KCNV2: variants seen among roughly 807,000 people sequenced by gnomAD.
The protein encoded by KCNV2 is potassium voltage-gated channel subfamily V member 2.
A neutral mutation model predicts 37.0 loss-of-function variants in KCNV2; 65 were observed. The ratio of observed to expected loss-of-function variants is 1.76; its 90% confidence interval spans 1.44 to 2.16. The LOEUF is 2.16. Among genes scored for constraint, KCNV2 ranks in the 30% most tolerant of loss-of-function variants. KCNV2 has a pLI of 0.00. For missense variants in KCNV2, 1,232 were observed against 766.7 expected (o/e 1.61, Z -7.17); for synonymous variants, 518 against 328.6 (o/e 1.58, Z -6.23).
In KCNV2 at chr9:2,729,876, T is replaced by G. The variant is rs568315828; in HGVS notation, c.*149T>G. Reference sequence around the variant, plus strand: ...CACAAAGTACTGCCTCTAGAAATACTCATTTTGGCCCAAACTCAGAATGTC... The same window carrying G: ...CACAAAGTACTGCCTCTAGAAATACGCATTTTGGCCCAAACTCAGAATGTC... On this transcript the variant is annotated 3_prime_UTR_variant, in exon 2 of 2. Transcript: ENST00000382082. The G allele has an allele frequency of 2.5e-6, 2 of 795,342 alleles. No homozygotes were observed. Among genetic ancestry groups the G allele is most frequent in the Non-Finnish European group, 4.1e-6 (2 of 487,452 alleles). The allele number at this position is 795,342 out of a possible 1,614,324, so 49.3% of individuals were successfully genotyped here.
At chr9:2,721,107 T>A (rs895357107) in intron 1 of KCNV2, among the ~76,000 whole-genome samples, 1 of 152,218 alleles carries the variant, frequency 6.6e-6, no homozygotes, top group African/African-American at 2.4e-5. Context: ...ATTGCTCTTA[T>A]CTGTATGAAT....
chr9:2,729,563 C>A lies in KCNV2; in HGVS notation c.1474C>A (p.Leu492Ile), dbSNP rs748379690. The A allele has an allele frequency of 2.2e-5, 36 of 1,613,968 alleles. No individual in the cohort carries two copies. The highest frequency in any genetic ancestry group is 3.1e-5 in the Non-Finnish European group (36 of 1,180,016). Residue 492 changes from leucine to isoleucine, a missense_variant, in exon 2 of 2, where the codon CTC (leucine) becomes ATC (isoleucine). Transcript: ENST00000382082. ...TCTCAACGGGATGCCCATTTCCATC[C>A]TCTACAACAAGTTTTCTGATTACTA... ...IILNGMPISI[L>I]YNKFSDYYSK... is the part of the protein sequence containing the mutation.
intron 1 of KCNV2, among the ~76,000 whole-genome samples, chr9:2,724,125 A>G (rs1819930654): frequency 6.6e-6 from 1 of 151,998 alleles, no homozygotes; most frequent in Non-Finnish European, 1.5e-5. Flanking sequence ...GGCAAGTTAA[A>G]GCTGTAGAAA....
chr9:2,718,378 G>C lies in KCNV2; in HGVS notation c.639G>C (p.Arg213=). 1 of 1,600,458 alleles carries C rather than the reference G, an allele frequency of 6.2e-7. No homozygotes were observed. The highest frequency in any genetic ancestry group is 8.5e-7 in the Non-Finnish European group (1 of 1,175,076). ...FEERRDELSE[R]LKIQHELRAQ... ...AGCGGCGCGACGAGCTGAGCGAACG[G>C]CTCAAGATCCAGCACGAGCTGCGCG... Residue 213 remains arginine (R), a synonymous_variant, in exon 1 of 2, where the codon CGG becomes CGC. Transcript: ENST00000382082.
chr9:2,719,022 C>T lies in KCNV2; in HGVS notation c.1283C>T (p.Ala428Val). The T allele has an allele frequency of 6.2e-7, 1 of 1,612,970 alleles. No individual in the cohort carries two copies. Among genetic ancestry groups the T allele is most frequent in the Non-Finnish European group, 8.5e-7 (1 of 1,180,026 alleles). Residue 428 changes from alanine (A) to valine (V), a missense_variant, in exon 1 of 2, where the codon GCT (alanine) becomes GTT (valine). Transcript: ENST00000382082. ...IAMGIFTFSA[A>V]VYSVEHDVPS... is the part of the protein sequence containing the mutation. Reference sequence around the variant, plus strand: ...ATGGGCATCTTCACTTTCTCTGCGGCTGTCTACTCTGTGGAGCACGATGTG... The same window carrying T: ...ATGGGCATCTTCACTTTCTCTGCGGTTGTCTACTCTGTGGAGCACGATGTG...
At chr9:2,720,037 G>A (rs1298981912) in intron 1 of KCNV2, among the ~76,000 whole-genome samples, 1 of 152,226 alleles carries the variant, frequency 6.6e-6, no homozygotes, top group African/African-American at 2.4e-5. Context: ...ATGAAGGAAA[G>A]AATTGAATGT....
In KCNV2 at chr9:2,729,538, T is replaced by C; in HGVS notation, c.1449T>C (p.Ile483=). Reference sequence around the variant, plus strand: ...TCCTCTGCATTGCTTTTGGGATCATTCTCAACGGGATGCCCATTTCCATCC... The same window carrying C: ...TCCTCTGCATTGCTTTTGGGATCATCCTCAACGGGATGCCCATTTCCATCC... The part of the protein sequence containing the change: ...FAFLCIAFGI[I]LNGMPISILY... Residue 483 remains isoleucine, a synonymous_variant, in exon 2 of 2, where the codon ATT becomes ATC. Coordinates refer to ENST00000382082, the MANE Select transcript of KCNV2 (RefSeq NM_133497.4). 1 of 1,614,082 alleles carries C rather than the reference T, an allele frequency of 6.2e-7. No individual in the cohort carries two copies. Among genetic ancestry groups the C allele is most frequent in the Non-Finnish European group, 8.5e-7 (1 of 1,180,016 alleles).
chr9:2,721,528 G>C (rs1349878035), intron 1 of KCNV2, among the ~76,000 whole-genome samples: 3 of 152,116 alleles, frequency 2.0e-5, no homozygotes, highest in Admixed American at 6.5e-5. Flanking sequence ...AAAGTGAAAA[G>C]AAACAAAACA....
rs759223428 is a variant in KCNV2, at chr9:2,729,501, G to T, written c.1412G>T (p.Arg471Met). Residue 471 changes from arginine to methionine, a missense_variant, in exon 2 of 2, where the codon AGG becomes ATG. Arg to Met is a moderately conservative substitution (Grantham distance 91). Coordinates refer to ENST00000382082, the MANE Select transcript of KCNV2 (RefSeq NM_133497.4). ...ATGTACCCAGAGACCCACCTGGGCA[G>T]GTTTTTTGCCTTCCTCTGCATTGCT... is the stretch of plus-strand genomic sequence containing the variant. ...GDMYPETHLG[R>M]FFAFLCIAFG... 1 of 1,614,112 alleles carries T rather than the reference G, an allele frequency of 6.2e-7. No homozygotes were observed. The highest frequency in any genetic ancestry group is 1.1e-5 in the South Asian group (1 of 91,082).
chr9:2,721,317 A>T (rs1819863714), intron 1 of KCNV2, among the ~76,000 whole-genome samples: 1 of 152,214 alleles, frequency 6.6e-6, no homozygotes, highest in Non-Finnish European at 1.5e-5. Flanking sequence ...CTAATCTATG[A>T]AAACAATGGG....
intron 1 of KCNV2, among the ~76,000 whole-genome samples, chr9:2,729,073 G>C (rs1820018815): frequency 6.6e-6 from 1 of 152,080 alleles, no homozygotes; most frequent in African/African-American, 2.4e-5. Context: ...GGTGCCAGCT[G>C]AGTTAGGGAG....
At position 2,718,077 on chromosome 9, in the gene KCNV2, G is replaced by T. The variant is rs758432224; in HGVS notation, c.338G>T (p.Cys113Phe). ...VGGHSYQLDY[C>F]ELAGFPKTRL... ...GGCCACAGCTACCAGCTGGACTACT[G>T]CGAGCTGGCCGGCTTCCCCAAGACG... Residue 113 changes from cysteine (C) to phenylalanine (F), a missense_variant, in exon 1 of 2, where the codon TGC becomes TTC. Coordinates refer to ENST00000382082, the MANE Select transcript of KCNV2 (RefSeq NM_133497.4). 3 of 1,602,594 alleles carry T rather than the reference G, an allele frequency of 1.9e-6. No individual in the cohort carries two copies. Among genetic ancestry groups the T allele is most frequent in the Non-Finnish European group, 2.6e-6 (3 of 1,174,334 alleles).
At chr9:2,726,354 T>A (rs1432624296) in intron 1 of KCNV2, among the ~76,000 whole-genome samples, 2 of 152,182 alleles carry the variant, frequency 1.3e-5, no homozygotes, top group Non-Finnish European at 2.9e-5. Flanking sequence ...CATAGCCTCC[T>A]AGCAGAAGAG....
At position 2,718,206 on chromosome 9, in the gene KCNV2, C is replaced by G; in HGVS notation, c.467C>G (p.Ala156Gly). The change falls in exon 1 of 2, where the codon GCC (alanine) becomes GGC (glycine). Residue 156 changes from alanine to glycine, a missense_variant. By Grantham distance (60) the Ala-to-Gly change is moderately conservative. Coordinates refer to ENST00000382082, the MANE Select transcript of KCNV2 (RefSeq NM_133497.4). ...TDEYFFDRDP[A>G]VFQLVYNFYL... is the part of the protein sequence containing the mutation. ...GAATACTTCTTCGACCGCGACCCGGCCGTCTTCCAGCTGGTCTACAATTTC... is the reference window on the plus strand; with the variant it reads ...GAATACTTCTTCGACCGCGACCCGGGCGTCTTCCAGCTGGTCTACAATTTC... The G allele has an allele frequency of 6.2e-7, 1 of 1,613,486 alleles. No individual in the cohort carries two copies. Among genetic ancestry groups the G allele is most frequent in the Middle Eastern group, 1.6e-4 (1 of 6,062 alleles).
intron 1 of KCNV2, among the ~76,000 whole-genome samples, chr9:2,720,691 C>T (rs1287138900): frequency 1.3e-5 from 2 of 152,190 alleles, no homozygotes; most frequent in Admixed American, 6.5e-5. Flanking sequence ...TTCTATTCAT[C>T]TAAACATCTT....
At chr9:2,725,811 C>G (rs371643091) in intron 1 of KCNV2, among the ~76,000 whole-genome samples, 43 of 152,268 alleles carry the variant, frequency 2.8e-4, no homozygotes, top group African/African-American at 9.9e-4. Flanking sequence ...ATGAGGGAAA[C>G]AAACTTGTCT....
chr9:2,725,229 T>C (rs1290254128), intron 1 of KCNV2, among the ~76,000 whole-genome samples: 1 of 152,202 alleles, frequency 6.6e-6, no homozygotes, highest in African/African-American at 2.4e-5. Flanking sequence ...CTACCGCTTA[T>C]TGTACCACTT....
At chr9:2,726,687 C>G (rs1819972943) in intron 1 of KCNV2, among the ~76,000 whole-genome samples, 1 of 152,164 alleles carries the variant, frequency 6.6e-6, no homozygotes, top group Non-Finnish European at 1.5e-5. Flanking sequence ...GTCTCATGTT[C>G]TAAACCAGGG....
rs563538395 is a variant in KCNV2 at position 2,718,492 on chromosome 9, G to C, written c.753G>C (p.Glu251Asp). 13 of 1,610,840 alleles carry C rather than the reference G, an allele frequency of 8.1e-6. No homozygotes were observed. The highest frequency in any genetic ancestry group is 1.1e-5 in the Non-Finnish European group (13 of 1,179,182). ...PQRRRLWNLM[E>D]KPFSSVAAKA... The stretch of plus-strand genomic sequence containing the variant: ...GGCGCCGCCTCTGGAACCTCATGGA[G>C]AAGCCATTCTCCTCGGTGGCCGCCA... Residue 251 changes from glutamate (E) to aspartate (D), a missense_variant, in exon 1 of 2, where the codon GAG (glutamate) becomes GAC (aspartate). Physicochemically the swap from Glu to Asp is conservative, Grantham distance 45. Coordinates refer to ENST00000382082, the MANE Select transcript of KCNV2 (RefSeq NM_133497.4).
Sources: gnomAD v4.1 joint callset for allele counts (sites outside exome capture counted in the v4.1 genomes callset) on GRCh38, gnomAD v4.1.1 for gene constraint, MANE v1.5 for transcripts, NCBI Gene and HGNC (gene_info 2026-07-23, HGNC 2026-07-21) for gene names.